Variants in PRDX3 observed in about 807,000 individuals in gnomAD.
PRDX3 encodes peroxiredoxin 3.
In PRDX3, 20 loss-of-function variants were observed where a neutral mutation model predicts 30.4. That is an observed-to-expected ratio of 0.66 (90% CI 0.46 to 0.96). PRDX3 has a LOEUF of 0.96. PRDX3 is among the 40% of genes least tolerant of loss of function. PRDX3 has a pLI of 0.00. For missense variants in PRDX3, 322 were observed against 318.3 expected (o/e 1.01, Z -0.09); for synonymous variants, 124 against 117.8 (o/e 1.05, Z -0.34).
In PRDX3 at chr10:119,177,211, A is replaced by G. The variant is rs1589666903; in HGVS notation, c.37-58T>C. On this transcript the variant is annotated intron_variant, in intron 1 of 6. Coordinates refer to ENST00000298510, the MANE Select transcript of PRDX3 (RefSeq NM_006793.5). ...CCTGGACTGGTGACTGAAGGCTGAA[A>G]GGGCATCGTGCCAACGGTGGTTTCA... 13 of 1,583,404 alleles carry G rather than the reference A, an allele frequency of 8.2e-6. No homozygotes were observed. The South Asian group carries it at 1.3e-4, about 16-fold the overall frequency.
At position 119,168,371 on chromosome 10, in the gene PRDX3, G is replaced by A. The variant is rs926921752; in HGVS notation, c.*109C>T. The A allele has an allele frequency of 5.1e-6, 8 of 1,557,862 alleles. No homozygotes were observed. Among genetic ancestry groups the A allele is most frequent in the African/African-American group, 1.4e-5 (1 of 72,642 alleles). On this transcript the variant is annotated 3_prime_UTR_variant, in exon 7 of 7. Transcript: ENST00000298510. ...TTTAGAGTAATACTTATGAATACAA[G>A]CATAATTGGTTCCTTGCCTTCTACA... is the stretch of plus-strand genomic sequence containing the variant.
At chr10:119,168,752 T>A (rs1214782185) in intron 6 of PRDX3, among the ~76,000 whole-genome samples, 1 of 151,846 alleles carries the variant, frequency 6.6e-6, no homozygotes, top group Non-Finnish European at 1.5e-5. Flanking sequence ...CCAAGGCGGG[T>A]GGATCACGAG....
chr10:119,168,380 G>T lies in PRDX3; in HGVS notation c.*100C>A. ...ATACTTATGAATACAAGCATAATTG[G>T]TTCCTTGCCTTCTACAAATAACCAT... On this transcript the variant is annotated 3_prime_UTR_variant, in exon 7 of 7. Transcript: ENST00000298510. The T allele has an allele frequency of 6.3e-7, 1 of 1,577,468 alleles. No homozygotes were observed. Among genetic ancestry groups the T allele is most frequent in the Non-Finnish European group, 8.6e-7 (1 of 1,167,232 alleles).
chr10:119,168,274 C>T lies in PRDX3; in HGVS notation c.*206G>A. 1.9e-6 allele frequency: 2 copies of T among 1,033,562 alleles called. No individual in the cohort carries two copies. Among genetic ancestry groups the T allele is most frequent in the Middle Eastern group, 3.3e-4 (1 of 3,068 alleles). The allele number at this position is 1,033,562 out of a possible 1,614,324, so 64.0% of individuals were successfully genotyped here. On this transcript the variant is annotated 3_prime_UTR_variant, in exon 7 of 7. Transcript: ENST00000298510. ...AGCTAGCCAGCCACCAAGATGTTAC[C>T]AATAAAGGATTCCTTGTACTAGCAA...
Position 119,178,738 on chromosome 10 carries a change from A to G in PRDX3, c.36+17T>C. The G allele has an allele frequency of 6.4e-7, 1 of 1,551,278 alleles. No homozygotes were observed. Among genetic ancestry groups the G allele is most frequent in the Non-Finnish European group, 8.7e-7 (1 of 1,147,262 alleles). ...CACCAGTGTCTCCACGCCTGTCCCCAGCCGACAGCCACTCACCGACGCTCG... is the reference window on the plus strand; with the variant it reads ...CACCAGTGTCTCCACGCCTGTCCCCGGCCGACAGCCACTCACCGACGCTCG... On this transcript the variant is annotated intron_variant, in intron 1 of 6. Coordinates refer to ENST00000298510, the MANE Select transcript of PRDX3 (RefSeq NM_006793.5).
chr10:119,175,756 G>C (rs994889330), intron 2 of PRDX3, among the ~76,000 whole-genome samples: 9 of 147,378 alleles, frequency 6.1e-5, no homozygotes, highest in East Asian at 2.1e-4. Context: ...GAGGAAGGGG[G>C]AGACATGTTA....
intron 5 of PRDX3, among the ~76,000 whole-genome samples, chr10:119,171,995 A>G (rs1847918024): frequency 6.6e-6 from 1 of 152,218 alleles, no homozygotes; most frequent in African/African-American, 2.4e-5. Flanking sequence ...AGACGCAGCC[A>G]GCCTTCTTCA....
At chr10:119,174,264 C>A (rs1436530214) in intron 3 of PRDX3, among the ~76,000 whole-genome samples, 187 bp downstream of exon 3, 2 of 152,210 alleles carry the variant, frequency 1.3e-5, no homozygotes, top group Non-Finnish European at 2.9e-5. Context: ...TCCTACCCCA[C>A]CCCCGAAGTT....
rs1848048330 is a variant in PRDX3, at chr10:119,177,096, G to A, written c.94C>T (p.Pro32Ser). The change falls in exon 2 of 7, where the codon CCT becomes TCT. Residue 32 changes from proline to serine, a missense_variant. Physicochemically the swap from Pro to Ser is moderately conservative, Grantham distance 74 (BLOSUM62 -1). Coordinates refer to ENST00000298510, the MANE Select transcript of PRDX3 (RefSeq NM_006793.5). The part of the protein sequence containing the change: ...WGISATAALR[P>S]AACGRTSLTN... ...AAGCTCGTTCTTCCACATGCAGCAGGCCTGAGGGCTGCAGTGGCAGAAATG... is the reference window on the plus strand; with the variant it reads ...AAGCTCGTTCTTCCACATGCAGCAGACCTGAGGGCTGCAGTGGCAGAAATG... 6.2e-7 allele frequency: 1 copy of A among 1,613,748 alleles called. No individual in the cohort carries two copies. Among genetic ancestry groups the A allele is most frequent in the Non-Finnish European group, 8.5e-7 (1 of 1,179,736 alleles).
Position 119,174,460 on chromosome 10 carries a change from G to A in PRDX3, c.302C>T (p.Pro101Leu), listed in dbSNP as rs773062903. 4.4e-6 allele frequency: 7 copies of A among 1,598,312 alleles called. No individual in the cohort carries two copies. The African/African-American group carries it at 8.1e-5, about 19-fold the overall frequency. Residue 101 changes from proline (P) to leucine (L), a missense_variant, in exon 3 of 7, where the codon CCT (proline) becomes CTT (leucine). By Grantham distance (98) the Pro-to-Leu change is moderately conservative. Coordinates refer to ENST00000298510, the MANE Select transcript of PRDX3 (RefSeq NM_006793.5). ...TAGAAATTACACTTACAAATCCAAA[G>A]GATAGAAGAAAAGCACCAAATATTT... ...KGKYLVLFFY[P>L]LDFTFVCPTE...
chr10:119,171,348 T>C (rs1272359744), intron 5 of PRDX3, among the ~76,000 whole-genome samples: 1 of 152,156 alleles, frequency 6.6e-6, no homozygotes, highest in Non-Finnish European at 1.5e-5. Flanking sequence ...CCAGGTGAGC[T>C]GGCTTTAAGC....
At chr10:119,172,032 A>G (rs1012069166) in intron 5 of PRDX3, among the ~76,000 whole-genome samples, 7 of 152,216 alleles carry the variant, frequency 4.6e-5, no homozygotes, top group Non-Finnish European at 1.0e-4. Flanking sequence ...GGTGGAGGGG[A>G]CATGCATGTC....
At chr10:119,170,942 C>CT (rs1306144883) in intron 5 of PRDX3, 5 of 152,004 alleles carry the variant, frequency 3.3e-5, no homozygotes, top group Admixed American at 6.6e-5. Context: ...GGCCCAAACT[C>CT]TAAGATGCCA....
chr10:119,178,322 G>T (rs1672585083), intron 1 of PRDX3, among the ~76,000 whole-genome samples: 1 of 152,244 alleles, frequency 6.6e-6, no homozygotes, highest in Non-Finnish European at 1.5e-5. Context: ...GGGAGGGAAA[G>T]CCTTTGTGAG....
chr10:119,178,643 C>G, intron 1 of PRDX3, 112 bp downstream of exon 1: 2 of 1,356,796 alleles, frequency 1.5e-6, no homozygotes, highest in Non-Finnish European at 1.0e-6. Context: ...CGCGGAAACC[C>G]TCCAAGAAGG....
chr10:119,176,324 T>G (rs1848026702), intron 2 of PRDX3, among the ~76,000 whole-genome samples: 1 of 152,174 alleles, frequency 6.6e-6, no homozygotes, highest in African/African-American at 2.4e-5. Context: ...ACATCACTAC[T>G]AGAAATATTT....
rs1309789477 is a variant in PRDX3 at position 119,168,305 on chromosome 10, C to G, written c.*175G>C. On this transcript the variant is annotated 3_prime_UTR_variant, in exon 7 of 7. Transcript: ENST00000298510. ...AGGATTCCTTGTACTAGCAACTAAC[C>G]ATGTTTAAAAGGTCTTAGCCAGAAT... The G allele has an allele frequency of 1.5e-6, 2 of 1,307,088 alleles. No homozygotes were observed. The highest frequency in any genetic ancestry group is 2.0e-6 in the Non-Finnish European group (2 of 988,562). The allele number at this position is 1,307,088 out of a possible 1,614,324, so 81.0% of individuals were successfully genotyped here. A position where few individuals can be genotyped will look rare whatever the true frequency, so the allele number is the denominator to read the frequency against.
At chr10:119,175,933 C>T (rs1168247032) in intron 2 of PRDX3, among the ~76,000 whole-genome samples, 1 of 151,874 alleles carries the variant, frequency 6.6e-6, no homozygotes, top group Non-Finnish European at 1.5e-5. Flanking sequence ...AGCACACCAC[C>T]ACACCCGGCT....
At chr10:119,174,701 A>C (rs1847986737) in intron 2 of PRDX3, 109 bp from the exon 3 acceptor site, 4 of 1,108,452 alleles carry the variant, frequency 3.6e-6, no homozygotes, top group Non-Finnish European at 4.9e-6. Context: ...GCTTAGTATA[A>C]ATCAAAACAT....
Sources: allele counts gnomAD v4.1 joint callset (sites outside exome capture counted in the v4.1 genomes callset), GRCh38; gene constraint gnomAD v4.1.1; transcripts MANE v1.5; gene names NCBI Gene and HGNC (gene_info 2026-07-23, HGNC 2026-07-21).